Variants in MAST2 observed in about 807,000 individuals in gnomAD.
The protein encoded by MAST2 is microtubule associated serine/threonine kinase 2, also known as microtubule-associated serine/threonine-protein kinase 2.
Under a neutral mutation model 147.4 loss-of-function variants are expected in MAST2, and 70 were observed. The observed-to-expected ratio is 0.47, with a 90% CI of 0.39 to 0.58. The LOEUF (loss-of-function observed/expected upper bound fraction) is 0.58, where lower values mean the gene tolerates loss of function less well. MAST2 is among the 20% of genes least tolerant of loss of function. MAST2 has a pLI of 0.00. For synonymous variants in MAST2, 869 were observed against 896.8 expected (o/e 0.97, Z 0.55); for missense variants, 2,080 against 2,302.3 (o/e 0.90, Z 1.98).
intron 18 of MAST2, 100 bp downstream of exon 18, chr1:46,029,033 C>T: frequency 1.5e-6 from 2 of 1,317,450 alleles, no homozygotes; most frequent in South Asian, 1.5e-5. Flanking sequence ...TTGTTCTGAA[C>T]TCATCATGTG....
intron 6 of MAST2, among the ~76,000 whole-genome samples, chr1:46,001,984 T>C (rs1645293066): frequency 6.6e-6 from 1 of 152,170 alleles, no homozygotes; most frequent in African/African-American, 2.4e-5. Context: ...CCTTAAGCTC[T>C]ACAAAAAAGA....
At chr1:45,887,913 G>A (rs964649918) in intron 4 of MAST2, among the ~76,000 whole-genome samples, 4 of 152,188 alleles carry the variant, frequency 2.6e-5, no homozygotes, top group Admixed American at 1.3e-4. Flanking sequence ...TGGGAAGGCA[G>A]GACGTAGCAG....
chr1:46,011,755 C>A (rs1645724094), intron 10 of MAST2, among the ~76,000 whole-genome samples: 2 of 152,164 alleles, frequency 1.3e-5, no homozygotes, highest in South Asian at 4.1e-4. Flanking sequence ...GAGCTGAGGG[C>A]CCAGGGCTAA....
At chr1:46,020,848 ATGT>A (rs1260374951) in intron 11 of MAST2, among the ~76,000 whole-genome samples, 1 of 152,220 alleles carries the variant, frequency 6.6e-6, no homozygotes, top group Non-Finnish European at 1.5e-5. Flanking sequence ...AAATTCATAC[ATGT>A]TGTTGCATGT....
chr1:45,923,650 C>A (rs552350199), intron 4 of MAST2, among the ~76,000 whole-genome samples: 1 of 152,318 alleles, frequency 6.6e-6, no homozygotes, highest in South Asian at 2.1e-4. Flanking sequence ...TCAGAGATCA[C>A]ATTCTTAACA....
At chr1:45,927,905 T>G (rs1654654512) in intron 4 of MAST2, among the ~76,000 whole-genome samples, 1 of 152,234 alleles carries the variant, frequency 6.6e-6, no homozygotes, top group African/African-American at 2.4e-5. Context: ...AACTAATAAA[T>G]GTCCATAAAA....
intron 4 of MAST2, among the ~76,000 whole-genome samples, chr1:45,904,214 C>T (rs930963144): frequency 2.7e-4 from 41 of 151,702 alleles, no homozygotes; most frequent in Non-Finnish European, 5.3e-4. Context: ...CTCTTGTCCC[C>T]CAGGCTGGAG....
intron 4 of MAST2, among the ~76,000 whole-genome samples, chr1:45,924,468 G>A (rs1654035084): frequency 6.6e-6 from 1 of 152,154 alleles, no homozygotes; most frequent in African/African-American, 2.4e-5. Context: ...TTGACTCTGA[G>A]TTCCAGAAGA....
At chr1:45,882,422 A>T in intron 4 of MAST2, 27 bp downstream of exon 4, 2 of 1,578,862 alleles carry the variant, frequency 1.3e-6, no homozygotes, top group South Asian at 2.2e-5. Flanking sequence ...TACCATTATG[A>T]TTATGATCTC....
rs557111258 is a variant in MAST2, at chr1:45,927,848, T to C, written c.501-31538T>C. Reference sequence around the variant, plus strand: ...AATCTTTACAATTTATGTTTAGAGATTGCAGTAAAGACAGGCATAAGAAAT... The same window carrying C: ...AATCTTTACAATTTATGTTTAGAGACTGCAGTAAAGACAGGCATAAGAAAT... On this transcript the variant is annotated intron_variant, in intron 4 of 28. Coordinates refer to ENST00000361297, the MANE Select transcript of MAST2 (RefSeq NM_015112.3). Among the ~76,000 whole-genome samples, 19 of 152,324 alleles carry C rather than the reference T, an allele frequency of 1.2e-4. No individual in the cohort carries two copies. The East Asian group carries it at 3.3e-3, about 26-fold the overall frequency.
chr1:45,980,050 C>T (rs897563463), intron 5 of MAST2, among the ~76,000 whole-genome samples: 5 of 152,068 alleles, frequency 3.3e-5, no homozygotes, highest in African/African-American at 7.2e-5. Flanking sequence ...TTTGGGAGGC[C>T]GAGGCAGGTG....
intron 5 of MAST2, among the ~76,000 whole-genome samples, chr1:45,991,900 T>C (rs1571107038): frequency 6.6e-6 from 1 of 152,238 alleles, no homozygotes; most frequent in East Asian, 1.9e-4. Context: ...TTTTAATTTA[T>C]GTATTTTTTT....
chr1:45,820,559 T>C (rs1345697695), intron 1 of MAST2, among the ~76,000 whole-genome samples: 1 of 152,204 alleles, frequency 6.6e-6, no homozygotes, highest in Non-Finnish European at 1.5e-5. Context: ...CTTTATTCAT[T>C]GTGTGCTAAA....
intron 3 of MAST2, among the ~76,000 whole-genome samples, chr1:45,864,643 G>A (rs1209636352): frequency 6.6e-6 from 1 of 152,170 alleles, no homozygotes; most frequent in East Asian, 1.9e-4. Flanking sequence ...AAAAACGTAT[G>A]TGGAGTGGTT....
At chr1:45,949,081 C>A (rs917121145) in intron 4 of MAST2, among the ~76,000 whole-genome samples, 5 of 150,778 alleles carry the variant, frequency 3.3e-5, no homozygotes, top group African/African-American at 1.2e-4. Flanking sequence ...ATACAAAAAT[C>A]AACTCAAGAT....
chr1:45,884,897 T>C lies in MAST2; in HGVS notation c.500+2502T>C, dbSNP rs569675453. ...GGATTGGCTACCTGATCTCTATGCTTAGTCATCTCCCCAAACAGTTAAAGT... is the reference window on the plus strand; with the variant it reads ...GGATTGGCTACCTGATCTCTATGCTCAGTCATCTCCCCAAACAGTTAAAGT... On this transcript the variant is annotated intron_variant, in intron 4 of 28. Transcript: ENST00000361297. Among the ~76,000 whole-genome samples the C allele has an allele frequency of 4.6e-5, 7 of 152,308 alleles. No individual in the cohort carries two copies. The South Asian group carries it at 1.5e-3, about 32-fold the overall frequency.
chr1:45,932,759 T>C (rs970785225), intron 4 of MAST2, among the ~76,000 whole-genome samples: 1 of 152,160 alleles, frequency 6.6e-6, no homozygotes, highest in Non-Finnish European at 1.5e-5. Context: ...CATTTTAGTT[T>C]TGATGCTCAA....
chr1:45,899,470 C>G (rs942610712), intron 4 of MAST2, among the ~76,000 whole-genome samples: 2 of 152,042 alleles, frequency 1.3e-5, no homozygotes, highest in Admixed American at 6.6e-5. Context: ...CTCCTCTCCC[C>G]TTTTGGAGTC....
Position 45,803,996 on chromosome 1 carries a change from C to T in MAST2, c.101C>T (p.Pro34Leu). Residue 34 changes from proline to leucine, a missense_variant, in exon 1 of 29, where the codon CCG (proline) becomes CTG (leucine). Physicochemically the swap from Pro to Leu is moderately conservative, Grantham distance 98. Around this residue, in one of 4 missense-constraint regions of MAST2, gnomAD observed 24 missense variants for 46.1 expected, o/e 0.52. Coordinates refer to ENST00000361297, the MANE Select transcript of MAST2 (RefSeq NM_015112.3). Reference sequence around the variant, plus strand: ...GCGGAGCTGTCTCAGTCTTTGCCGCCGCGCCGGCGAGCGCCGCCCGGGAGG... The same window carrying T: ...GCGGAGCTGTCTCAGTCTTTGCCGCTGCGCCGGCGAGCGCCGCCCGGGAGG... The part of the protein sequence containing the change: ...RAAELSQSLP[P>L]RRRAPPGRQR... 3 of 1,158,666 alleles carry T rather than the reference C, an allele frequency of 2.6e-6. No individual in the cohort carries two copies. The highest frequency in any genetic ancestry group is 4.2e-5 in the Admixed American group (1 of 23,584). 71.8% of individuals were successfully genotyped at this position (1,158,666 alleles called of 1,614,324 possible).
Sources: allele counts gnomAD v4.1 joint callset (sites outside exome capture counted in the v4.1 genomes callset), GRCh38; gene constraint gnomAD v4.1.1; regional missense constraint gnomAD v4.1.1; transcripts MANE v1.5; gene names NCBI Gene and HGNC (gene_info 2026-07-23, HGNC 2026-07-21).